The following FBXW7 variants were observed in gnomAD, a reference collection of about 807,000 sequenced individuals.
FBXW7 encodes the protein F-box/WD repeat-containing protein 7.
FBXW7 carries 11 observed loss-of-function variants against 86.3 expected under a neutral mutation model. That is an observed-to-expected ratio of 0.13 (90% CI 0.08 to 0.21). The LOEUF (loss-of-function observed/expected upper bound fraction) is 0.21, where lower values mean the gene tolerates loss of function less well. Ranked by LOEUF, FBXW7 falls within the 10% of genes least tolerant of loss-of-function variation. The pLI is 1.00. For synonymous variants in FBXW7, 313 were observed against 297.9 expected, an observed-to-expected ratio of 1.05 and a Z score of -0.52; for missense variants, 488 against 847.4, an observed-to-expected ratio of 0.58 and a Z score of 5.27.
intron 2 of FBXW7, chr4:152,530,726 G>C (rs546755433): frequency 1.3e-4 from 20 of 152,342 alleles, no homozygotes; most frequent in African/African-American, 4.6e-4. Context: ...GTGTAATAAA[G>C]CTCATACTGT....
rs185640121 is a variant in FBXW7, at chr4:152,369,359, G to A, written c.502-19235C>T. ...AGGTCCAACTGACCCTATAATCCGCGCTCTTAGGCACTCTGCTTTTCTGAT... is the reference window on the plus strand; with the variant it reads ...AGGTCCAACTGACCCTATAATCCGCACTCTTAGGCACTCTGCTTTTCTGAT... On this transcript the variant is annotated intron_variant, in intron 4 of 13. Transcript: ENST00000281708. 2.6e-5 allele frequency among the ~76,000 whole-genome samples: 4 copies of A among 152,102 alleles called. No homozygotes were observed. In the East Asian group the frequency reaches 5.8e-4, roughly 22 times the overall value.
At chr4:152,525,338 G>C (rs1326665003) in intron 2 of FBXW7, among the ~76,000 whole-genome samples, 16 of 152,038 alleles carry the variant, frequency 1.1e-4, no homozygotes, top group Non-Finnish European at 2.4e-4. Flanking sequence ...TTAGGTTTCG[G>C]GGTACATGTA....
chr4:152,331,532 G>GA (rs1729566466), intron 8 of FBXW7, among the ~76,000 whole-genome samples: 1 of 151,986 alleles, frequency 6.6e-6, no homozygotes, highest in South Asian at 2.1e-4. Context: ...CATAGAGACA[G>GA]AAAGTAAAAG....
intron 4 of FBXW7, among the ~76,000 whole-genome samples, chr4:152,364,434 C>T (rs1202134598): frequency 6.6e-6 from 1 of 152,084 alleles, no homozygotes; most frequent in Non-Finnish European, 1.5e-5. Flanking sequence ...GATTTGAACC[C>T]TATGGAAAAC....
intron 2 of FBXW7, among the ~76,000 whole-genome samples, chr4:152,419,494 A>AACACACACACAC (rs57894523): frequency 0.045 from 5,494 of 123,172 alleles, 172 homozygotes; most frequent in Middle Eastern, 0.06. Flanking sequence ...GGATAAGGTA[A>AACACACACACAC]ACACACACAC....
intron 4 of FBXW7, among the ~76,000 whole-genome samples, chr4:152,355,824 A>G (rs1001324817): frequency 6.6e-6 from 1 of 152,110 alleles, no homozygotes; most frequent in East Asian, 1.9e-4. Context: ...CAACACAAAT[A>G]TATGATGATA....
intron 2 of FBXW7, among the ~76,000 whole-genome samples, chr4:152,534,587 C>T (rs1285518512): frequency 1.3e-5 from 2 of 152,116 alleles, no homozygotes; most frequent in African/African-American, 4.8e-5. Context: ...AAAAAGTACA[C>T]CGCACACACC....
chr4:152,532,058 C>T (rs1342203323), intron 2 of FBXW7, among the ~76,000 whole-genome samples: 1 of 152,190 alleles, frequency 6.6e-6, no homozygotes, highest in Non-Finnish European at 1.5e-5. Flanking sequence ...ACCCACTTTT[C>T]AGCTCTTCAC....
chr4:152,482,135 T>TATCA (rs1190224307), intron 2 of FBXW7, among the ~76,000 whole-genome samples: 2 of 152,188 alleles, frequency 1.3e-5, no homozygotes, highest in East Asian at 3.8e-4. Context: ...CTTCAGCAAC[T>TATCA]ATCACCCTGA....
chr4:152,506,934 TATGA>T (rs1279653804), intron 2 of FBXW7, among the ~76,000 whole-genome samples: 1 of 152,224 alleles, frequency 6.6e-6, no homozygotes, highest in Non-Finnish European at 1.5e-5. Flanking sequence ...TAATGCACAA[TATGA>T]ATGAATTCTG....
At chr4:152,351,148 G>A (rs1214757276) in intron 4 of FBXW7, among the ~76,000 whole-genome samples, 2 of 152,024 alleles carry the variant, frequency 1.3e-5, no homozygotes. Context: ...TTATAAGTAG[G>A]TAAAAATCCT....
In FBXW7 at chr4:152,321,176, A is replaced by G. The variant is rs1465863925; in HGVS notation, c.*1705T>C. 1 of 211,822 alleles carries G rather than the reference A, an allele frequency of 4.7e-6. No individual in the cohort carries two copies. Among genetic ancestry groups the G allele is most frequent in the Non-Finnish European group, 9.6e-6 (1 of 104,644 alleles). 13.1% of individuals were successfully genotyped at this position (211,822 alleles called of 1,614,324 possible). A position where few individuals can be genotyped will look rare whatever the true frequency, so the allele number is the denominator to read the frequency against. ...CACAGCAGGATGCAAAGAAACCAAG[A>G]TTTTGCTTATTTAAATATTATAGAC... On this transcript the variant is annotated 3_prime_UTR_variant, in exon 14 of 14. Coordinates refer to ENST00000281708, the MANE Select transcript of FBXW7 (RefSeq NM_001349798.2).
intron 2 of FBXW7, among the ~76,000 whole-genome samples, chr4:152,529,219 A>C (rs1215258430): frequency 1.3e-5 from 2 of 152,200 alleles, no homozygotes; most frequent in Non-Finnish European, 2.9e-5. Flanking sequence ...ACAATGATAA[A>C]ATTACTTGAA....
Position 152,322,502 on chromosome 4 carries a change from T to C in FBXW7, c.*379A>G. On this transcript the variant is annotated 3_prime_UTR_variant, in exon 14 of 14. Transcript: ENST00000281708. ...TCCTTTCTAGGTGTCTAGCTGTCAG[T>C]GGTAAAAGAACAGGCTAGCAGAATC... 3.9e-6 allele frequency: 1 copy of C among 255,436 alleles called. No homozygotes were observed. Among genetic ancestry groups the C allele is most frequent in the Non-Finnish European group, 7.6e-6 (1 of 131,084 alleles). 15.8% of individuals were successfully genotyped at this position (255,436 alleles called of 1,614,324 possible).
At chr4:152,434,005 T>C (rs1342397950) in intron 2 of FBXW7, among the ~76,000 whole-genome samples, 1 of 152,128 alleles carries the variant, frequency 6.6e-6, no homozygotes, top group African/African-American at 2.4e-5. Context: ...TTTCAATAAA[T>C]ACAGTCAGCT....
chr4:152,471,803 A>T (rs892373452), intron 2 of FBXW7, among the ~76,000 whole-genome samples: 1 of 151,964 alleles, frequency 6.6e-6, no homozygotes, highest in Admixed American at 6.6e-5. Context: ...AGAAGGCTGA[A>T]GCAGGAGGAC....
intron 4 of FBXW7, among the ~76,000 whole-genome samples, chr4:152,396,671 G>A (rs1363631669): frequency 1.3e-5 from 2 of 151,940 alleles, no homozygotes; most frequent in Admixed American, 6.6e-5. Flanking sequence ...ACATGCACCA[G>A]CTATATTATG....
At chr4:152,466,662 G>C (rs1310488327) in intron 2 of FBXW7, among the ~76,000 whole-genome samples, 1 of 152,098 alleles carries the variant, frequency 6.6e-6, no homozygotes, top group Non-Finnish European at 1.5e-5. Context: ...AATAATCTGG[G>C]TTGGGCGTGG....
intron 2 of FBXW7, among the ~76,000 whole-genome samples, chr4:152,486,774 A>G (rs1455889793): frequency 2.0e-5 from 3 of 152,192 alleles, no homozygotes; most frequent in Non-Finnish European, 4.4e-5. Flanking sequence ...TAAACCGTTA[A>G]CATAGCTGTT....
Sources: gnomAD v4.1 joint callset for allele counts (sites outside exome capture counted in the v4.1 genomes callset) on GRCh38, gnomAD v4.1.1 for gene constraint, MANE v1.5 for transcripts, NCBI Gene and HGNC (gene_info 2026-07-23, HGNC 2026-07-21) for gene names.